Variants in SP140 observed in about 807,000 individuals in gnomAD.
SP140 encodes nuclear body protein SP140.
Under a neutral mutation model 125.0 loss-of-function variants are expected in SP140, and 81 were observed. The ratio of observed to expected loss-of-function variants is 0.65; its 90% CI spans 0.54 to 0.78. The LOEUF is 0.78. Among genes scored for constraint, SP140 ranks in the 30% least tolerant of loss-of-function variants. The pLI, the probability that SP140 is intolerant of heterozygous loss-of-function variation, is 0.00. For missense variants in SP140, 858 were observed against 1,037.0 expected, an observed-to-expected ratio of 0.83 and a Z score of 2.37; for synonymous variants, 312 against 354.0, an observed-to-expected ratio of 0.88 and a Z score of 1.33.
At chr2:230,213,008 C>T (rs1195830644) in intron 1 of SP140, 1 of 1,614,032 alleles carries the variant, frequency 6.2e-7, no homozygotes, top group South Asian at 1.1e-5. Flanking sequence ...CTCTGCTCTG[C>T]CATTCATAGG....
At chr2:230,238,657 T>TTATA (rs1205713954) in intron 3 of SP140, 1 of 986,540 alleles carries the variant, frequency 1.0e-6, no homozygotes, top group African/African-American at 1.6e-5. Context: ...AAGTCTCTAT[T>TTATA]TTTTTGAAGG....
At chr2:230,203,158 C>A in exon 1 of SP140, 1 of 224,480 alleles carries the variant, frequency 4.5e-6, no homozygotes, top group East Asian at 1.1e-4. Flanking sequence ...CTTCAGTGGG[C>A]AAAGTGCAAG....
intron 11 of SP140, among the ~76,000 whole-genome samples, chr2:230,254,217 G>C (rs1460034947): frequency 1.3e-5 from 2 of 152,124 alleles, no homozygotes; most frequent in Non-Finnish European, 2.9e-5. Context: ...CATGAAGAGT[G>C]CAAACTATGT....
Position 230,211,402 on chromosome 2 carries a change from G to T in SP140, c.-322-2252G>T, listed in dbSNP as rs41309098. ...GGAGAGCCCCCTCTCTAGAAGATCC[G>T]AATGGCTTTTCCTCTTAGTAAACAC... On this transcript the variant is annotated intron_variant, in intron 1 of 4. Transcript: ENST00000456542. This position sits in a 1 kb window ranked among gnomAD's most constrained non-coding sequence, Gnocchi z 4.2. 1.0e-3 allele frequency: 1,016 copies of T among 1,011,340 alleles called. 8 individuals are homozygous for T. The highest frequency in any genetic ancestry group is 1.7e-4 in the Non-Finnish European group (106 of 630,770). The allele number at this position is 1,011,340 out of a possible 1,614,324, so 62.6% of individuals were successfully genotyped here. A position where few individuals can be genotyped will look rare whatever the true frequency, so the allele number is the denominator to read the frequency against.
rs2048175463 is a variant in SP140, at chr2:230,237,634, CA to C, written c.237+375del. On this transcript the variant is annotated intron_variant, in intron 2 of 26. Coordinates refer to ENST00000392045, the MANE Select transcript of SP140 (RefSeq NM_007237.5). This position sits in a 1 kb window ranked among gnomAD's most constrained non-coding sequence, Gnocchi z 5.4. ...GAAACTGAGATTTTTTTGAAACTCA[CA>C]GTGAAGTTGTGTCATTTTAGGTTAC... 5.8e-6 allele frequency: 1 copy of C among 172,070 alleles called. No homozygotes were observed. The highest frequency in any genetic ancestry group is 1.2e-5 in the Non-Finnish European group (1 of 81,906). The allele number at this position is 172,070 out of a possible 1,614,324, so 10.7% of individuals were successfully genotyped here. A position where few individuals can be genotyped will look rare whatever the true frequency, so the allele number is the denominator to read the frequency against.
At chr2:230,214,400 G>T (rs1163129043) in intron 3 of SP140, among the ~76,000 whole-genome samples, 1 of 152,124 alleles carries the variant, frequency 6.6e-6, no homozygotes, top group South Asian at 2.1e-4. Context: ...GACCCAAGTA[G>T]GACTCTTGCT....
At chr2:230,224,648 A>C, upstream of SP140, among the ~76,000 whole-genome samples, 1 of 152,120 alleles carries the variant, frequency 6.6e-6, no homozygotes, top group Non-Finnish European at 1.5e-5. Context: ...AAGGGGTAGA[A>C]ATTTCTTGCA....
In SP140 at chr2:230,247,986, G is replaced by A. The variant is rs1317936128; in HGVS notation, c.813G>A (p.Glu271=). ...CAGCACCAGGGGAGAAACAGGGAGA[G>A]GAGGAAGGCAGGAACAGTCCCAGAA... ...YSTAPGEKQG[E]EEGRNSPRKR... is the part of the protein sequence containing the mutation. Residue 271 remains glutamate (E), a synonymous_variant, in exon 8 of 27, where the codon GAG becomes GAA. Coordinates refer to ENST00000392045, the MANE Select transcript of SP140 (RefSeq NM_007237.5). The A allele has an allele frequency of 1.2e-6, 2 of 1,613,930 alleles. No homozygotes were observed. The highest frequency in any genetic ancestry group is 2.2e-5 in the East Asian group (1 of 44,874).
intron 15 of SP140, among the ~76,000 whole-genome samples, chr2:230,272,565 G>A (rs561931062): frequency 6.6e-6 from 1 of 152,262 alleles, no homozygotes; most frequent in East Asian, 1.9e-4. Context: ...CATGTAAGAC[G>A]TGACTTGCTC....
intron 1 of SP140, among the ~76,000 whole-genome samples, chr2:230,213,231 A>G (rs1039154399): frequency 6.6e-5 from 10 of 152,194 alleles, no homozygotes; most frequent in African/African-American, 2.4e-4. Flanking sequence ...ATTGAGTGCT[A>G]CAATAAGTGC....
At chr2:230,268,744 G>T (rs1365230618) in intron 12 of SP140, among the ~76,000 whole-genome samples, 1 of 152,182 alleles carries the variant, frequency 6.6e-6, no homozygotes, top group Non-Finnish European at 1.5e-5. Flanking sequence ...TGTTGAGAAA[G>T]ATTCACTTGG....
In SP140 at chr2:230,237,409, C is replaced by T. The variant is rs1403502256; in HGVS notation, c.237+149C>T. ...GAGGTGACAGGAGAAGCAGGCATCA[C>T]AGAAAACCTCCCTTCTTCTGTAGTA... On this transcript the variant is annotated intron_variant, in intron 2 of 26. Coordinates refer to ENST00000392045, the MANE Select transcript of SP140 (RefSeq NM_007237.5). The surrounding 1 kb of genome is among the most constrained non-coding windows in gnomAD (Gnocchi z 5.4). The T allele has an allele frequency of 1.6e-6, 1 of 634,928 alleles. No individual in the cohort carries two copies. The highest frequency in any genetic ancestry group is 2.6e-6 in the Non-Finnish European group (1 of 377,846). The allele number at this position is 634,928 out of a possible 1,614,324, so 39.3% of individuals were successfully genotyped here. A position where few individuals can be genotyped will look rare whatever the true frequency, so the allele number is the denominator to read the frequency against.
chr2:230,259,771 CATATATATATATATAT>C (rs745848625), intron 12 of SP140, among the ~76,000 whole-genome samples: 1 of 85,898 alleles, frequency 1.2e-5, no homozygotes, highest in African/African-American at 4.2e-5. Flanking sequence ...AGTATTCCAT[CATATATATATATATAT>C]ATATATATAC....
chr2:230,189,990 G>C, the SP140 span, among the ~76,000 whole-genome samples: 1 of 152,096 alleles, frequency 6.6e-6, no homozygotes, highest in Non-Finnish European at 1.5e-5. Context: ...TCTTTGCTAT[G>C]GTAAATACTG....
At chr2:230,215,443 T>C (rs539490502) in intron 3 of SP140, among the ~76,000 whole-genome samples, 5 of 152,336 alleles carry the variant, frequency 3.3e-5, no homozygotes, top group African/African-American at 1.2e-4. Flanking sequence ...GATGCTACTA[T>C]GTAATTGATT....
chr2:230,267,919 C>T (rs1001772919), intron 12 of SP140, among the ~76,000 whole-genome samples: 1 of 152,088 alleles, frequency 6.6e-6, no homozygotes, highest in South Asian at 2.1e-4. Context: ...AAAATGTGAC[C>T]GAACATCTTT....
In SP140 at chr2:230,255,860, A is replaced by T. The variant is rs185961265; in HGVS notation, c.1240+328A>T. 1.1e-4 allele frequency among the ~76,000 whole-genome samples: 16 copies of T among 152,338 alleles called. 1 individual carries two copies. The East Asian group carries it at 3.1e-3, about 29-fold the overall frequency. Reference sequence around the variant, plus strand: ...TGCCTTTCAATACTACAGTATTAAAATATTTTACCAAATAAGATCTCTCGA... The same window carrying T: ...TGCCTTTCAATACTACAGTATTAAATTATTTTACCAAATAAGATCTCTCGA... On this transcript the variant is annotated intron_variant, in intron 12 of 26. Coordinates refer to ENST00000392045, the MANE Select transcript of SP140 (RefSeq NM_007237.5).
intron 21 of SP140, among the ~76,000 whole-genome samples, chr2:230,296,373 C>T (rs569326458): frequency 2.6e-5 from 4 of 152,338 alleles, no homozygotes; most frequent in African/African-American, 9.6e-5. Flanking sequence ...CTTTGAATCA[C>T]ACTTGTTTAT....
In SP140 at chr2:230,290,046, C is replaced by T. The variant is rs371709915; in HGVS notation, c.1721-414C>T. Among the ~76,000 whole-genome samples the T allele has an allele frequency of 4.6e-5, 7 of 152,106 alleles. No individual in the cohort carries two copies. In the South Asian group the frequency reaches 6.2e-4, roughly 14 times the overall value. On this transcript the variant is annotated intron_variant, in intron 18 of 26. Transcript: ENST00000392045. The stretch of plus-strand genomic sequence containing the variant: ...ATCATTACCCTCTCCCTGCTTGCCC[C>T]GTCAGTGCTCAAATGGGGAGACTGA...
Sources: gnomAD v4.1 joint callset for allele counts (sites outside exome capture counted in the v4.1 genomes callset) on GRCh38, gnomAD v4.1.1 for gene constraint, Gnocchi (gnomAD v3.1) non-coding constraint, MANE v1.5 for transcripts, NCBI Gene and HGNC (gene_info 2026-07-23, HGNC 2026-07-21) for gene names.